The following ANKRD13C variants were observed in gnomAD, a reference collection of about 807,000 sequenced individuals.
ANKRD13C encodes ankyrin repeat domain-containing protein 13C.
ANKRD13C carries 16 observed loss-of-function variants against 65.5 expected under a neutral mutation model. The ratio of observed to expected loss-of-function variants is 0.24; its 90% CI spans 0.17 to 0.37. The LOEUF (loss-of-function observed/expected upper bound fraction) is 0.37. Ranked by LOEUF, ANKRD13C falls within the 10% of genes least tolerant of loss-of-function variation. The pLI is 1.00. For missense variants in ANKRD13C, 503 were observed against 655.9 expected (o/e 0.77, Z 2.55); for synonymous variants, 235 against 238.7 (o/e 0.98, Z 0.14).
In ANKRD13C at chr1:70,303,945, C is replaced by T. The variant is rs181627683; in HGVS notation, c.776+2279G>A. On this transcript the variant is annotated intron_variant, in intron 6 of 12. Coordinates refer to ENST00000370944, the MANE Select transcript of ANKRD13C (RefSeq NM_030816.5). ...CTTCATCCTTAGTTACTAGTAAGCC[C>T]CATGTCTAGTATCTTGCTAAGTTAC... Among the ~76,000 whole-genome samples the T allele has an allele frequency of 2.6e-3, 390 of 152,198 alleles. 2 individuals carry two copies. In the South Asian group the frequency reaches 0.03, roughly 12 times the overall value.
chr1:70,307,313 A>T (rs1051987720), intron 5 of ANKRD13C, among the ~76,000 whole-genome samples: 1 of 152,136 alleles, frequency 6.6e-6, no homozygotes, highest in Non-Finnish European at 1.5e-5. Flanking sequence ...AAAGCGGATA[A>T]ATCGCTTGAG....
chr1:70,317,025 G>A (rs1219665623), intron 3 of ANKRD13C, among the ~76,000 whole-genome samples: 2 of 148,450 alleles, frequency 1.3e-5, no homozygotes, highest in African/African-American at 5.0e-5. Context: ...AGCAGAAGGC[G>A]AATAAAAAAA....
chr1:70,273,026 A>T (rs377529148), intron 11 of ANKRD13C, among the ~76,000 whole-genome samples: 95 of 129,380 alleles, frequency 7.3e-4, no homozygotes, highest in African/African-American at 2.4e-3. Flanking sequence ...AATAAATAAA[A>T]TAATAAAATA....
intron 2 of ANKRD13C, among the ~76,000 whole-genome samples, chr1:70,326,120 A>G (rs904479568): frequency 2.7e-5 from 4 of 149,622 alleles, no homozygotes; most frequent in Non-Finnish European, 5.9e-5. Flanking sequence ...AATCCCAGCT[A>G]CTCGGGAAAC....
At chr1:70,270,815 T>C in intron 12 of ANKRD13C, 41 bp downstream of exon 12, 1 of 1,366,716 alleles carries the variant, frequency 7.3e-7, no homozygotes, top group South Asian at 1.2e-5. Context: ...AGCTCCATAT[T>C]CCTAATGGAC....
At chr1:70,272,720 G>A (rs1433844066) in intron 11 of ANKRD13C, among the ~76,000 whole-genome samples, 1 of 151,830 alleles carries the variant, frequency 6.6e-6, no homozygotes, top group African/African-American at 2.4e-5. Context: ...CAGGTGTGGT[G>A]GCTCACATCT....
chr1:70,323,763 C>T (rs183480266), intron 3 of ANKRD13C, among the ~76,000 whole-genome samples: 18 of 147,184 alleles, frequency 1.2e-4, no homozygotes, highest in Admixed American at 6.1e-4. Context: ...TTGCTCTTGT[C>T]GCCCGGGCTG....
chr1:70,344,392 G>A (rs1003790051), intron 1 of ANKRD13C, among the ~76,000 whole-genome samples: 4 of 151,574 alleles, frequency 2.6e-5, no homozygotes, highest in African/African-American at 4.9e-5. Context: ...CCTGAGTGTC[G>A]GAGGTCAAGG....
At chr1:70,305,470 A>G (rs1680548229) in intron 6 of ANKRD13C, among the ~76,000 whole-genome samples, 1 of 152,126 alleles carries the variant, frequency 6.6e-6, no homozygotes, top group African/African-American at 2.4e-5. Context: ...AATATTCTGG[A>G]GATATACAGA....
Position 70,306,266 on chromosome 1 carries a change from G to A in ANKRD13C, c.734C>T (p.Pro245Leu). The change falls in exon 6 of 13, where the codon CCT becomes CTT. Residue 245 changes from proline (P) to leucine (L), a missense_variant. Coordinates refer to ENST00000370944, the MANE Select transcript of ANKRD13C (RefSeq NM_030816.5). ...TTTGTATATTTTACATGCATCGGAA[G>A]GCAGAATTCGGGAAAGTAAAGGCAC... ...SWVPLLSRIL[P>L]SDACKIYKQG... The A allele has an allele frequency of 6.3e-7, 1 of 1,579,136 alleles. No homozygotes were observed. The highest frequency in any genetic ancestry group is 8.6e-7 in the Non-Finnish European group (1 of 1,160,590).
rs748626410 is a variant in ANKRD13C, at chr1:70,292,599, T to G, written c.1054-50A>C. On this transcript the variant is annotated intron_variant, in intron 8 of 12. Coordinates refer to ENST00000370944, the MANE Select transcript of ANKRD13C (RefSeq NM_030816.5). ...AGTAAAATTTTTAGGTTAAAAAAAG[T>G]GTCAAGGTAATATATTTTTCCATAA... is the stretch of plus-strand genomic sequence containing the variant. 6 of 1,378,912 alleles carry G rather than the reference T, an allele frequency of 4.4e-6. No homozygotes were observed. In the African/African-American group the frequency reaches 8.9e-5, roughly 20 times the overall value. 85.4% of individuals were successfully genotyped at this position (1,378,912 alleles called of 1,614,324 possible).
intron 9 of ANKRD13C, among the ~76,000 whole-genome samples, chr1:70,278,958 T>G (rs1679261116): frequency 1.3e-5 from 2 of 152,038 alleles, no homozygotes; most frequent in Non-Finnish European, 2.9e-5. Context: ...CCTGGCACTT[T>G]GGGAGGCCAA....
rs115529033 is a variant in ANKRD13C, at chr1:70,353,301, T to G, written c.430+678A>C. Among the ~76,000 whole-genome samples the G allele has an allele frequency of 7.5e-3, 1,142 of 152,306 alleles. 14 individuals carry two copies. Among genetic ancestry groups the G allele is most frequent in the African/African-American group, 0.026 (1,083 of 41,562 alleles). Reference sequence around the variant, plus strand: ...ATTACCATAAAAATCATAATACTATTTTTAGTCACAGTCATCAAGATGAGA... The same window carrying G: ...ATTACCATAAAAATCATAATACTATGTTTAGTCACAGTCATCAAGATGAGA... On this transcript the variant is annotated intron_variant, in intron 1 of 12. Transcript: ENST00000370944.
At chr1:70,308,789 A>C (rs1348805666) in intron 5 of ANKRD13C, among the ~76,000 whole-genome samples, 2 of 151,988 alleles carry the variant, frequency 1.3e-5, no homozygotes, top group African/African-American at 2.4e-5. Context: ...AGCAAAACAA[A>C]CAACCAAACA....
rs1421728691 is a variant in ANKRD13C, at chr1:70,268,872, T to TTGA, written c.1495+1981_1495+1983dup. Among the ~76,000 whole-genome samples, 9 of 151,068 alleles carry TTGA rather than the reference T, an allele frequency of 6.0e-5. No homozygotes were observed. In the East Asian group the frequency reaches 1.7e-3, roughly 29 times the overall value. On this transcript the variant is annotated intron_variant, in intron 12 of 12. Coordinates refer to ENST00000370944, the MANE Select transcript of ANKRD13C (RefSeq NM_030816.5). ...TAACAATAATTTCCAAAATTTTTTT[T>TTGA]TGATTTTTTAGTTTTTTTTTAAAAT...
chr1:70,300,369 T>C (rs1368526860), intron 7 of ANKRD13C, among the ~76,000 whole-genome samples: 1 of 151,976 alleles, frequency 6.6e-6, no homozygotes, highest in Non-Finnish European at 1.5e-5. Context: ...GGGTGCATCA[T>C]TTGAGGTCAG....
intron 3 of ANKRD13C, among the ~76,000 whole-genome samples, chr1:70,319,467 T>A (rs1681211873): frequency 6.6e-6 from 1 of 151,690 alleles, no homozygotes; most frequent in Admixed American, 6.6e-5. Flanking sequence ...ATTAGCTGGG[T>A]GTGGTGGCGG....
At chr1:70,287,824 T>C (rs1346512845) in intron 9 of ANKRD13C, among the ~76,000 whole-genome samples, 3 of 152,096 alleles carry the variant, frequency 2.0e-5, no homozygotes, top group African/African-American at 2.4e-5. Context: ...CTGGGCAACA[T>C]GGTGAGACCT....
At chr1:70,300,289 T>C (rs139520525) in intron 7 of ANKRD13C, among the ~76,000 whole-genome samples, 10 of 151,928 alleles carry the variant, frequency 6.6e-5, no homozygotes, top group African/African-American at 2.2e-4. Context: ...AGGATAGAAA[T>C]ATAAAAAATG....
Sources: gnomAD v4.1 joint callset for allele counts (sites outside exome capture counted in the v4.1 genomes callset) on GRCh38, gnomAD v4.1.1 for gene constraint, MANE v1.5 for transcripts, NCBI Gene and HGNC (gene_info 2026-07-23, HGNC 2026-07-21) for gene names.